The following NLRC4 variants were observed in gnomAD, a reference collection of about 807,000 sequenced individuals.
NLRC4 encodes NLR family CARD domain-containing protein 4.
In NLRC4, 63 loss-of-function variants were observed where a neutral mutation model predicts 79.9. The ratio of observed to expected loss-of-function variants is 0.79; its 90% CI spans 0.64 to 0.97. The LOEUF (loss-of-function observed/expected upper bound fraction) is 0.97, where lower values mean the gene tolerates loss of function less well. Among genes scored for constraint, NLRC4 ranks in the 50% least tolerant of loss-of-function variants. The probability of loss-of-function intolerance (pLI) is 0.00; values close to 1 mark genes in which losing one functional copy is unlikely to be tolerated. For missense variants in NLRC4, 1,074 were observed against 1,215.2 expected (o/e 0.88, Z 1.73); for synonymous variants, 461 against 456.5 (o/e 1.01, Z -0.12).
chr2:32,228,554 C>T (rs986019800), intron 8 of NLRC4, among the ~76,000 whole-genome samples: 1 of 152,186 alleles, frequency 6.6e-6, no homozygotes, highest in African/African-American at 2.4e-5. Context: ...CCAAAGAAAT[C>T]AGGCACTGTA....
Position 32,252,327 on chromosome 2 carries a change from AG to A in NLRC4, c.262+91del, listed in dbSNP as rs987867899. On this transcript the variant is annotated intron_variant, in intron 3 of 8. Coordinates refer to ENST00000402280, the MANE Select transcript of NLRC4 (RefSeq NM_001199138.2). ...GCCACTGCCAGGTGATATGAAGAGA[AG>A]GAAAAGCAGAGGCTCTGCCATGGGG... 10 of 920,420 alleles carry A rather than the reference AG, an allele frequency of 1.1e-5. No individual in the cohort carries two copies. In the African/African-American group the frequency reaches 1.6e-4, roughly 15 times the overall value. The allele number at this position is 920,420 out of a possible 1,614,324, so 57.0% of individuals were successfully genotyped here. A position where few individuals can be genotyped will look rare whatever the true frequency, so the allele number is the denominator to read the frequency against.
At chr2:32,254,621 T>C (rs1033460281) in intron 2 of NLRC4, among the ~76,000 whole-genome samples, 1 of 149,140 alleles carries the variant, frequency 6.7e-6, no homozygotes, top group Non-Finnish European at 1.5e-5. Flanking sequence ...TGGTTTTTTT[T>C]TTTTTTTTTT....
In NLRC4 at chr2:32,243,769, C is replaced by A. The variant is rs149614505; in HGVS notation, c.2258-2644G>T. 2.7e-3 allele frequency among the ~76,000 whole-genome samples: 401 copies of A among 150,348 alleles called. 1 individual carries two copies. The highest frequency in any genetic ancestry group is 6.1e-3 in the Admixed American group (92 of 15,086). ...GCCGAGATCGCATCATTGCACTCAG[C>A]CTGGTGACACAGCAAGATTCCATCT... On this transcript the variant is annotated intron_variant, in intron 4 of 8. Coordinates refer to ENST00000402280, the MANE Select transcript of NLRC4 (RefSeq NM_001199138.2).
chr2:32,252,910 T>C (rs1186785917), intron 2 of NLRC4, among the ~76,000 whole-genome samples: 1 of 151,638 alleles, frequency 6.6e-6, no homozygotes, highest in African/African-American at 2.4e-5. Flanking sequence ...CCCAGCTACT[T>C]GGGAGGCTGA....
In NLRC4 at chr2:32,230,507, TCC is replaced by T. The variant is rs1482522379; in HGVS notation, c.2782+4892_2782+4893del. ...TTTTTTTTGAGGTAGAGTCTCACTCTCCCACCCAGGCTGGAGTTCAGTGGCGC... is the reference window on the plus strand; with the variant it reads ...TTTTTTTTGAGGTAGAGTCTCACTCTCACCCAGGCTGGAGTTCAGTGGCGC... On this transcript the variant is annotated intron_variant, in intron 8 of 8. Coordinates refer to ENST00000402280, the MANE Select transcript of NLRC4 (RefSeq NM_001199138.2). Among the ~76,000 whole-genome samples, 5 of 144,974 alleles carry T rather than the reference TCC, an allele frequency of 3.4e-5. No individual in the cohort carries two copies. The East Asian group carries it at 1.0e-3, about 29-fold the overall frequency.
rs1186735772 is a variant in NLRC4 at position 32,242,763 on chromosome 2, T to C, written c.2258-1638A>G. Among the ~76,000 whole-genome samples the C allele has an allele frequency of 4.6e-5, 7 of 152,334 alleles. No homozygotes were observed. In the East Asian group the frequency reaches 1.3e-3, roughly 29 times the overall value. ...GAAAAAGACGTAGAAGAAAAACTTT[T>C]AGGCCAGGCACAGTGGCTCACTCCT... On this transcript the variant is annotated intron_variant, in intron 4 of 8. Coordinates refer to ENST00000402280, the MANE Select transcript of NLRC4 (RefSeq NM_001199138.2).
intron 8 of NLRC4, among the ~76,000 whole-genome samples, chr2:32,225,279 C>T (rs212704): frequency 0.55 from 83,309 of 151,766 alleles, 23,117 homozygotes; most frequent in African/African-American, 0.6. Context: ...ATAACCCTCC[C>T]GAGCCTCTTC....
Position 32,250,603 on chromosome 2 carries a change from G to A in NLRC4, c.1261C>T (p.Leu421=). 2 of 1,614,156 alleles carry A rather than the reference G, an allele frequency of 1.2e-6. No individual in the cohort carries two copies. Among genetic ancestry groups the A allele is most frequent in the Non-Finnish European group, 1.7e-6 (2 of 1,180,014 alleles). The change falls in exon 4 of 9, where the codon CTG becomes TTG. Residue 421 remains leucine (L), a synonymous_variant. Transcript: ENST00000402280. This position sits in a 1 kb window ranked among gnomAD's most constrained non-coding sequence, Gnocchi z 4.9. ...TTACAGAGGAGCCCAGTTGTCAGCAGGACATCCTCATTCACGCTGGACACA... is the reference window on the plus strand; with the variant it reads ...TTACAGAGGAGCCCAGTTGTCAGCAAGACATCCTCATTCACGCTGGACACA... The part of the protein sequence containing the change: ...QDVSSVNEDV[L]LTTGLLCKYT...
intron 1 of NLRC4, among the ~76,000 whole-genome samples, chr2:32,258,857 T>A (rs982493139): frequency 6.6e-6 from 1 of 152,006 alleles, no homozygotes; most frequent in East Asian, 1.9e-4. Context: ...CCAAACCAAG[T>A]TAGATGATCT....
chr2:32,250,012 C>T lies in NLRC4; in HGVS notation c.1852G>A (p.Gly618Arg). The T allele has an allele frequency of 1.2e-6, 2 of 1,614,198 alleles. No individual in the cohort carries two copies. The highest frequency in any genetic ancestry group is 1.7e-6 in the Non-Finnish European group (2 of 1,180,042). Residue 618 changes from glycine (G) to arginine (R), a missense_variant, in exon 4 of 9, where the codon GGG becomes AGG. Gly to Arg is a moderately radical substitution (Grantham distance 125). Coordinates refer to ENST00000402280, the MANE Select transcript of NLRC4 (RefSeq NM_001199138.2). The surrounding 1 kb of genome is among the most constrained non-coding windows in gnomAD (Gnocchi z 4.9). ...ALDFIKLDFYGGAMASWEKAA... is the reference protein window; with the variant it reads ...ALDFIKLDFYRGAMASWEKAA... ...TTTTCCCATGAAGCCATAGCTCCCC[C>T]ATAAAAGTCCAGTTTAATGAAGTCC...
Position 32,252,557 on chromosome 2 carries a change from A to C in NLRC4, c.124T>G (p.Cys42Gly). 6.2e-7 allele frequency: 1 copy of C among 1,614,262 alleles called. No individual in the cohort carries two copies. Among genetic ancestry groups the C allele is most frequent in the Non-Finnish European group, 8.5e-7 (1 of 1,180,056 alleles). ...GCATCCTGCTCCACCTTCTCGCAGCAAATGATGTTTACTTCTTCGCGATTC... is the reference window on the plus strand; with the variant it reads ...GCATCCTGCTCCACCTTCTCGCAGCCAATGATGTTTACTTCTTCGCGATTC... ...VLNREEVNIICCEKVEQDAAR... is the reference protein window; with the variant it reads ...VLNREEVNIIGCEKVEQDAAR... The change falls in exon 3 of 9, where the codon TGC (cysteine) becomes GGC (glycine). Residue 42 changes from cysteine (C) to glycine (G), a missense_variant. Physicochemically the swap from Cys to Gly is radical, Grantham distance 159. Coordinates refer to ENST00000402280, the MANE Select transcript of NLRC4 (RefSeq NM_001199138.2).
At chr2:32,258,966 G>C (rs912517677) in intron 1 of NLRC4, among the ~76,000 whole-genome samples, 1 of 152,172 alleles carries the variant, frequency 6.6e-6, no homozygotes, top group Non-Finnish European at 1.5e-5. Context: ...AGGAAGTGGG[G>C]AAGAGAACTA....
At chr2:32,261,868 G>A (rs1022543016) in intron 1 of NLRC4, among the ~76,000 whole-genome samples, 6 of 151,282 alleles carry the variant, frequency 4.0e-5, no homozygotes, top group African/African-American at 1.5e-4. Flanking sequence ...GGATCACGAG[G>A]TCAAGAGATC....
intron 8 of NLRC4, among the ~76,000 whole-genome samples, chr2:32,231,219 A>G (rs1558445921): frequency 6.6e-6 from 1 of 152,256 alleles, no homozygotes; most frequent in Non-Finnish European, 1.5e-5. Flanking sequence ...CAGTGGCGCA[A>G]TCTCGGCTCA....
rs560605937 is a variant in NLRC4 at position 32,225,068 on chromosome 2, G to T, written c.2783-303C>A. On this transcript the variant is annotated intron_variant, in intron 8 of 8. Transcript: ENST00000402280. The stretch of plus-strand genomic sequence containing the variant: ...CCCCTTTTCCTTACTCCTAGGAAAT[G>T]GAAGGTTGCTTTAATTAAATATTCA... 3.3e-5 allele frequency among the ~76,000 whole-genome samples: 5 copies of T among 152,152 alleles called. No homozygotes were observed. The South Asian group carries it at 1.0e-3, about 32-fold the overall frequency.
chr2:32,259,083 C>T (rs554688379), intron 1 of NLRC4, among the ~76,000 whole-genome samples: 3 of 151,834 alleles, frequency 2.0e-5, no homozygotes, highest in Non-Finnish European at 4.4e-5. Flanking sequence ...CATGGGAACT[C>T]ATGTTATCCT....
At chr2:32,265,019 G>A (rs1210373162), upstream of NLRC4, 1 of 152,048 alleles carries the variant, frequency 6.6e-6, no homozygotes, top group Non-Finnish European at 1.5e-5. Flanking sequence ...GAACTTCAGA[G>A]TAAAAGATGC....
intron 8 of NLRC4, among the ~76,000 whole-genome samples, chr2:32,233,172 GGAAGGAAGGA>G: frequency 1.0e-5 from 1 of 98,662 alleles, no homozygotes; most frequent in South Asian, 4.4e-4. Flanking sequence ...AAGGAAGGAA[GGAAGGAAGGA>G]AGGAAGGAAG....
chr2:32,236,863 A>AG (rs1686685322), intron 6 of NLRC4, among the ~76,000 whole-genome samples: 1 of 67,998 alleles, frequency 1.5e-5, no homozygotes, highest in Non-Finnish European at 3.1e-5. Context: ...AAAATGGATG[A>AG]GAAAAAAAAC....
Sources: allele counts gnomAD v4.1 joint callset (sites outside exome capture counted in the v4.1 genomes callset), GRCh38; gene constraint gnomAD v4.1.1; non-coding constraint Gnocchi (gnomAD v3.1); transcripts MANE v1.5; gene names NCBI Gene and HGNC (gene_info 2026-07-23, HGNC 2026-07-21).